Variants in ZMAT4 observed in about 807,000 individuals in gnomAD.
ZMAT4 encodes the protein zinc finger matrin-type 4, also known as zinc finger matrin-type protein 4.
In ZMAT4, 17 loss-of-function variants were observed where a neutral mutation model predicts 28.7. The observed-to-expected ratio is 0.59, with a 90% CI of 0.41 to 0.89. The LOEUF is 0.89. Among genes scored for constraint, ZMAT4 ranks in the 40% least tolerant of loss-of-function variants. The pLI is 0.00. For missense variants in ZMAT4, 240 were observed against 283.8 expected (o/e 0.85, Z 1.11); for synonymous variants, 117 against 109.2 (o/e 1.07, Z -0.44).
intron 2 of ZMAT4, among the ~76,000 whole-genome samples, chr8:40,781,996 T>A (rs1813855217): frequency 6.6e-6 from 1 of 152,172 alleles, no homozygotes; most frequent in South Asian, 2.1e-4. Flanking sequence ...AGCCTTTGAA[T>A]ATTTGTAACC....
At chr8:40,788,791 A>G (rs548531860) in intron 2 of ZMAT4, among the ~76,000 whole-genome samples, 84 of 152,144 alleles carry the variant, frequency 5.5e-4, no homozygotes, top group African/African-American at 2.0e-3. Flanking sequence ...ACAAACTGAT[A>G]TCATTCATGA....
At chr8:40,799,086 G>A (rs1390927626) in intron 2 of ZMAT4, among the ~76,000 whole-genome samples, 1 of 151,464 alleles carries the variant, frequency 6.6e-6, no homozygotes, top group Non-Finnish European at 1.5e-5. Context: ...TGGCTGGATG[G>A]ATGGATGGAT....
intron 3 of ZMAT4, among the ~76,000 whole-genome samples, chr8:40,710,892 T>TG (rs1810586762): frequency 6.6e-6 from 1 of 152,110 alleles, no homozygotes; most frequent in African/African-American, 2.4e-5. Flanking sequence ...GCGATTCTCC[T>TG]GCCTCAGCCT....
At chr8:40,857,373 A>G (rs1342016821) in intron 1 of ZMAT4, among the ~76,000 whole-genome samples, 1 of 152,098 alleles carries the variant, frequency 6.6e-6, no homozygotes, top group Non-Finnish European at 1.5e-5. Context: ...TCTTAAAAAA[A>G]AAAACAAAAA....
At chr8:40,632,899 T>C (rs1203301006) in intron 5 of ZMAT4, among the ~76,000 whole-genome samples, 1 of 152,168 alleles carries the variant, frequency 6.6e-6, no homozygotes, top group Non-Finnish European at 1.5e-5. Context: ...AGTGGTGTTG[T>C]GGGTTAGATT....
At chr8:40,772,061 A>G (rs981792064) in intron 2 of ZMAT4, among the ~76,000 whole-genome samples, 1 of 152,224 alleles carries the variant, frequency 6.6e-6, no homozygotes, top group African/African-American at 2.4e-5. Flanking sequence ...AAGACATGAA[A>G]AAGAATTAAC....
At chr8:40,618,052 G>T (rs1217965774) in intron 5 of ZMAT4, among the ~76,000 whole-genome samples, 1 of 152,160 alleles carries the variant, frequency 6.6e-6, no homozygotes, top group South Asian at 2.1e-4. Context: ...GAAACTAGCT[G>T]GATGTATGAG....
chr8:40,570,824 C>A (rs1261158624), intron 6 of ZMAT4, among the ~76,000 whole-genome samples: 1 of 152,166 alleles, frequency 6.6e-6, no homozygotes, highest in Non-Finnish European at 1.5e-5. Context: ...GGGACTCTGG[C>A]CATCTGCTTC....
chr8:40,599,891 A>G (rs890806820), intron 5 of ZMAT4, among the ~76,000 whole-genome samples: 2 of 152,176 alleles, frequency 1.3e-5, no homozygotes, highest in Non-Finnish European at 2.9e-5. Context: ...TACCACGCAC[A>G]GTGCCTGAGT....
At chr8:40,730,405 G>T (rs1811487183) in intron 3 of ZMAT4, among the ~76,000 whole-genome samples, 1 of 152,214 alleles carries the variant, frequency 6.6e-6, no homozygotes, top group South Asian at 2.1e-4. Context: ...GGAAATATGA[G>T]CATGTCTGTT....
Position 40,565,481 on chromosome 8 carries a change from A to T in ZMAT4, c.674+15684T>A, listed in dbSNP as rs528713779. Among the ~76,000 whole-genome samples the T allele has an allele frequency of 2.2e-3, 327 of 147,774 alleles. 1 individual carries two copies. Among genetic ancestry groups the T allele is most frequent in the African/African-American group, 7.9e-3 (317 of 40,120 alleles). ...AACCCCCGCCTCCCAGATTCAAGCA[A>T]TTCTCCTGCCTAAGGCTCATGAGTA... is the stretch of plus-strand genomic sequence containing the variant. On this transcript the variant is annotated intron_variant, in intron 6 of 6. Transcript: ENST00000297737.
chr8:40,844,248 G>A (rs1245958109), intron 1 of ZMAT4, among the ~76,000 whole-genome samples: 1 of 152,220 alleles, frequency 6.6e-6, no homozygotes, highest in Non-Finnish European at 1.5e-5. Context: ...TGGTAAAACA[G>A]TATTTCTGGG....
chr8:40,692,887 A>C lies in ZMAT4; in HGVS notation c.349+4358T>G, dbSNP rs1042814079. Reference sequence around the variant, plus strand: ...CTTGCTGATATGGATTTATCATAAAAAAAAAGAGGTTGGGGGCAGGCACAG... The same window carrying C: ...CTTGCTGATATGGATTTATCATAAACAAAAAGAGGTTGGGGGCAGGCACAG... On this transcript the variant is annotated intron_variant, in intron 4 of 6. Coordinates refer to ENST00000297737, the MANE Select transcript of ZMAT4 (RefSeq NM_024645.3). Among the ~76,000 whole-genome samples, 17 of 152,316 alleles carry C rather than the reference A, an allele frequency of 1.1e-4. 1 individual carries two copies. Among genetic ancestry groups the C allele is most frequent in the Admixed American group, 3.3e-4 (5 of 15,300 alleles).
Position 40,577,267 on chromosome 8 carries a change from A to T in ZMAT4, c.674+3898T>A, listed in dbSNP as rs577335826. ...GTATTCACAAGAGCCAAAATATGGA[A>T]TCAACCTAAGTGTCCATCAATAGAT... is the stretch of plus-strand genomic sequence containing the variant. On this transcript the variant is annotated intron_variant, in intron 6 of 6. Transcript: ENST00000297737. Among the ~76,000 whole-genome samples the T allele has an allele frequency of 1.1e-3, 160 of 152,348 alleles. 1 individual carries two copies. Among genetic ancestry groups the T allele is most frequent in the African/African-American group, 3.7e-3 (152 of 41,588 alleles).
chr8:40,713,921 C>CAAAAAAAAAAAAAAAAAA (rs532317102), intron 3 of ZMAT4, among the ~76,000 whole-genome samples: 25 of 49,796 alleles, frequency 5.0e-4, no homozygotes, highest in Admixed American at 7.3e-4. Context: ...AAAACAAAAC[C>CAAAAAAAAAAAAAAAAAA]AAAAAAAAAA....
chr8:40,847,923 T>C (rs1040391506), intron 1 of ZMAT4, among the ~76,000 whole-genome samples: 2 of 152,194 alleles, frequency 1.3e-5, no homozygotes, highest in African/African-American at 4.8e-5. Flanking sequence ...ACAGATTACG[T>C]GAAATCATTT....
At chr8:40,826,025 G>T (rs1278014714) in intron 1 of ZMAT4, among the ~76,000 whole-genome samples, 5 of 152,318 alleles carry the variant, frequency 3.3e-5, no homozygotes, top group African/African-American at 1.2e-4. Flanking sequence ...TTGGGAGGCC[G>T]AGGTGGGAGC....
At chr8:40,713,245 A>T (rs780652080) in intron 3 of ZMAT4, among the ~76,000 whole-genome samples, 75 of 152,192 alleles carry the variant, frequency 4.9e-4, no homozygotes, top group Non-Finnish European at 5.3e-4. Flanking sequence ...CTGAATAACA[A>T]TTTGGGGAAA....
chr8:40,716,267 C>T (rs962755049), intron 3 of ZMAT4, among the ~76,000 whole-genome samples: 1 of 152,206 alleles, frequency 6.6e-6, no homozygotes. Flanking sequence ...CAGGGCCCCT[C>T]GCCAGACCTG....
Sources: allele counts gnomAD v4.1 joint callset (sites outside exome capture counted in the v4.1 genomes callset), GRCh38; gene constraint gnomAD v4.1.1; transcripts MANE v1.5; gene names NCBI Gene and HGNC (gene_info 2026-07-23, HGNC 2026-07-21).